The following ULK1 variants were observed in gnomAD, a reference collection of about 807,000 sequenced individuals.
ULK1 encodes serine/threonine-protein kinase ULK1.
ULK1 carries 48 observed loss-of-function variants against 117.5 expected under a neutral mutation model. The ratio of observed to expected loss-of-function variants is 0.41; its 90% CI spans 0.32 to 0.52. The LOEUF is 0.52. ULK1 is among the 20% of genes least tolerant of loss of function. ULK1 has a pLI of 0.29. For missense variants in ULK1, 1,387 were observed against 1,473.4 expected (o/e 0.94, Z 0.96); for synonymous variants, 790 against 637.8 (o/e 1.24, Z -3.60).
chr12:131,906,843 G>A, intron 3 of ULK1, 49 bp from the exon 4 acceptor site: 1 of 1,612,906 alleles, frequency 6.2e-7, no homozygotes, highest in Non-Finnish European at 8.5e-7. Context: ...TCCCTGCAGT[G>A]GGGCCCGGTG....
chr12:131,907,363 C>T, intron 4 of ULK1, 132 bp from the exon 5 acceptor site: 1 of 1,151,996 alleles, frequency 8.7e-7, no homozygotes, highest in South Asian at 1.5e-5. Context: ...GTGGGGACAC[C>T]TGCCCTGGGC....
Position 131,918,650 on chromosome 12 carries a change from C to G in ULK1, c.2480C>G (p.Ala827Gly). Residue 827 changes from alanine (A) to glycine (G), a missense_variant, in exon 23 of 28, where the codon GCC becomes GGC. Physicochemically the swap from Ala to Gly is moderately conservative, Grantham distance 60 (BLOSUM62 0). Coordinates refer to ENST00000321867, the MANE Select transcript of ULK1 (RefSeq NM_003565.4). ...ANLEGAVTFEAPDLPEETLME... is the reference protein window; with the variant it reads ...ANLEGAVTFEGPDLPEETLME... ...CTGGAGGGGGCTGTGACCTTCGAGG[C>G]CCCCGACCTCCCTGAGGAGACCCTC... 3 of 1,603,084 alleles carry G rather than the reference C, an allele frequency of 1.9e-6. No individual in the cohort carries two copies. The highest frequency in any genetic ancestry group is 2.6e-6 in the Non-Finnish European group (3 of 1,174,494).
At chr12:131,917,841 G>A (rs1889932514) in intron 22 of ULK1, among the ~76,000 whole-genome samples, 1 of 152,246 alleles carries the variant, frequency 6.6e-6, no homozygotes, top group South Asian at 2.1e-4. Context: ...GACGGTGTCT[G>A]GATCATGGCC....
At position 131,921,807 on chromosome 12, in the gene ULK1, A is replaced by G. The variant is rs1301944323; in HGVS notation, c.*446A>G. ...GTCTCCAGGAGCCTCTCCCTCCGAG[A>G]TACCCACCCAGCTTTGTCAATCACC... On this transcript the variant is annotated 3_prime_UTR_variant, in exon 28 of 28. Coordinates refer to ENST00000321867, the MANE Select transcript of ULK1 (RefSeq NM_003565.4). 6.1e-6 allele frequency: 3 copies of G among 489,000 alleles called. No individual in the cohort carries two copies. Among genetic ancestry groups the G allele is most frequent in the Non-Finnish European group, 8.0e-6 (2 of 249,058 alleles). 30.3% of individuals were successfully genotyped at this position (489,000 alleles called of 1,614,324 possible). A position where few individuals can be genotyped will look rare whatever the true frequency, so the allele number is the denominator to read the frequency against.
intron 3 of ULK1, chr12:131,897,686 G>T (rs2136376600): frequency 6.6e-6 from 1 of 152,008 alleles, no homozygotes; most frequent in Admixed American, 6.5e-5. Flanking sequence ...AGCACTGTGG[G>T]AGGCCAAGAC....
In ULK1 at chr12:131,916,063, C is replaced by T. The variant is rs201998103; in HGVS notation, c.1782C>T (p.His594=). The T allele has an allele frequency of 7.4e-5, 119 of 1,612,518 alleles. No individual in the cohort carries two copies. Among genetic ancestry groups the T allele is most frequent in the South Asian group, 5.5e-4 (50 of 91,074 alleles). ...PPQASPPQPS[H]GLQSCRNLRG... Reference sequence around the variant, plus strand: ...AGGCCAGCCCTCCCCAGCCGTCCCACGGCCTGCAGTCCTGCCGGAACCTGC... The same window carrying T: ...AGGCCAGCCCTCCCCAGCCGTCCCATGGCCTGCAGTCCTGCCGGAACCTGC... The change falls in exon 19 of 28, where the codon CAC becomes CAT. Residue 594 remains histidine (H), a synonymous_variant. Coordinates refer to ENST00000321867, the MANE Select transcript of ULK1 (RefSeq NM_003565.4).
chr12:131,912,998 C>T (rs939112053), intron 13 of ULK1, among the ~76,000 whole-genome samples, 200 bp from the exon 14 acceptor site: 2 of 152,066 alleles, frequency 1.3e-5, no homozygotes, highest in African/African-American at 2.4e-5. Flanking sequence ...GCTCTGGTCT[C>T]CCGGAGCTGG....
chr12:131,921,522 C>A lies in ULK1; in HGVS notation c.*161C>A. ...AGCCTGCCGGCCTCCCTGCAGCTCA[C>A]GGGGCAGAACCAGCACATCTGGAGC... On this transcript the variant is annotated 3_prime_UTR_variant, in exon 28 of 28. Transcript: ENST00000321867. 9.6e-7 allele frequency: 1 copy of A among 1,040,096 alleles called. No homozygotes were observed. Among genetic ancestry groups the A allele is most frequent in the Non-Finnish European group, 1.4e-6 (1 of 696,836 alleles). The allele number at this position is 1,040,096 out of a possible 1,614,324, so 64.4% of individuals were successfully genotyped here. A position where few individuals can be genotyped will look rare whatever the true frequency, so the allele number is the denominator to read the frequency against.
intron 12 of ULK1, 127 bp from the exon 13 acceptor site, chr12:131,911,815 C>T: frequency 7.5e-7 from 1 of 1,336,866 alleles, no homozygotes; most frequent in Non-Finnish European, 1.0e-6. Context: ...AAAGACGTGC[C>T]CAGCCCTTCT....
In ULK1 at chr12:131,915,210, C is replaced by T. The variant is rs1303230274; in HGVS notation, c.1501C>T (p.Pro501Ser). ...GAAGATGTCTCTGGGTGGAGGCCGG[C>T]CCTACACGCCATCTCCTCAAGGTGC... ...ARKMSLGGGRPYTPSPQVGTI... is the reference protein window; with the variant it reads ...ARKMSLGGGRSYTPSPQVGTI... Residue 501 changes from proline to serine, a missense_variant, in exon 17 of 28, where the codon CCC becomes TCC. Physicochemically the swap from Pro to Ser is moderately conservative, Grantham distance 74. Coordinates refer to ENST00000321867, the MANE Select transcript of ULK1 (RefSeq NM_003565.4). 3 of 1,599,966 alleles carry T rather than the reference C, an allele frequency of 1.9e-6. No homozygotes were observed. The highest frequency in any genetic ancestry group is 2.7e-5 in the African/African-American group (2 of 74,924).
Position 131,921,289 on chromosome 12 carries a change from C to G in ULK1, c.3098-17C>G, listed in dbSNP as rs201078741. 3 of 1,608,138 alleles carry G rather than the reference C, an allele frequency of 1.9e-6. No homozygotes were observed. In the East Asian group the frequency reaches 6.7e-5, roughly 36 times the overall value. ...GGACTCTGGGCGTCTCCCTCACACT[C>G]CCCTCTCCCTCCACAGGCAAGCTGT... On this transcript the variant is annotated splice_polypyrimidine_tract_variant and intron_variant, in intron 27 of 27. Coordinates refer to ENST00000321867, the MANE Select transcript of ULK1 (RefSeq NM_003565.4).
At chr12:131,915,620 G>A (rs1479185191) in intron 18 of ULK1, among the ~76,000 whole-genome samples, 199 bp downstream of exon 18, 1 of 152,202 alleles carries the variant, frequency 6.6e-6, no homozygotes. Context: ...AGTCTTCTGT[G>A]CTGGCTGAGG....
intron 26 of ULK1, chr12:131,920,599 C>T (rs1890110709): frequency 5.0e-6 from 1 of 200,308 alleles, no homozygotes; most frequent in Admixed American, 5.3e-5. Flanking sequence ...AAGAGAGGGT[C>T]TTGCACTGTT....
Position 131,914,507 on chromosome 12 carries a change from G to A in ULK1, c.1373+30G>A, listed in dbSNP as rs370208562. 1.6e-5 allele frequency: 25 copies of A among 1,602,692 alleles called. No homozygotes were observed. The East Asian group carries it at 1.8e-4, about 12-fold the overall frequency. ...GTGTGGAGCCCCCAGGTAGCCAGGC[G>A]TGGCTGGGGCCTTGTGTGGCAGGAG... On this transcript the variant is annotated intron_variant, in intron 16 of 27. Transcript: ENST00000321867.
In ULK1 at chr12:131,913,217, G is replaced by C; in HGVS notation, c.1116G>C (p.Ala372=). ...AQFPGDLVAE[A]PSAKPPPDSL... Reference sequence around the variant, plus strand: ...CTGCAGGTGACCTGGTGGCTGAGGCGCCCAGTGCCAAACCCCCGCCAGACA... The same window carrying C: ...CTGCAGGTGACCTGGTGGCTGAGGCCCCCAGTGCCAAACCCCCGCCAGACA... The change falls in exon 14 of 28, where the codon GCG becomes GCC. Residue 372 remains alanine (A), a synonymous_variant. Transcript: ENST00000321867. The C allele has an allele frequency of 6.3e-7, 1 of 1,588,500 alleles. No homozygotes were observed. Among genetic ancestry groups the C allele is most frequent in the South Asian group, 1.1e-5 (1 of 88,292 alleles).
intron 22 of ULK1, 38 bp from the exon 23 acceptor site, chr12:131,918,459 C>T (rs1279583446): frequency 3.2e-6 from 5 of 1,586,684 alleles, no homozygotes; most frequent in Middle Eastern, 1.7e-4. Flanking sequence ...ACGGTGTCTG[C>T]TGGTCCTGGT....
At position 131,913,796 on chromosome 12, in the gene ULK1, T is replaced by A. The variant is rs768478822; in HGVS notation, c.1207T>A (p.Ser403Thr). 6.3e-7 allele frequency: 1 copy of A among 1,576,466 alleles called. No individual in the cohort carries two copies. The highest frequency in any genetic ancestry group is 8.6e-7 in the Non-Finnish European group (1 of 1,161,078). Reference sequence around the variant, plus strand: ...CTTGGAGAGCCACGGCCGGACCCCATCTCCATCCCCACCCTGCAGCAGCTC... The same window carrying A: ...CTTGGAGAGCCACGGCCGGACCCCAACTCCATCCCCACCCTGCAGCAGCTC... ...AGLESHGRTP[S>T]PSPPCSSSPS... The change falls in exon 15 of 28, where the codon TCT becomes ACT. Residue 403 changes from serine (S) to threonine (T), a missense_variant. Coordinates refer to ENST00000321867, the MANE Select transcript of ULK1 (RefSeq NM_003565.4).
chr12:131,907,455 G>A (rs766288925), intron 4 of ULK1, 40 bp from the exon 5 acceptor site: 10 of 1,608,860 alleles, frequency 6.2e-6, no homozygotes, highest in Non-Finnish European at 8.5e-6. Context: ...GGTGGGCCCT[G>A]GGCCCTGCTG....
rs1029982673 is a variant in ULK1, at chr12:131,916,352, G to A, written c.1879-46G>A. The A allele has an allele frequency of 7.2e-6, 11 of 1,527,924 alleles. No homozygotes were observed. In the African/African-American group the frequency reaches 1.1e-4, roughly 15 times the overall value. 94.6% of individuals were successfully genotyped at this position (1,527,924 alleles called of 1,614,324 possible). On this transcript the variant is annotated intron_variant, in intron 19 of 27. Transcript: ENST00000321867. Reference sequence around the variant, plus strand: ...CCTTCCCCAGGCACCGGGCCCCAGGGCTGCAGACCTGCGGGGCAGTCTTCA... The same window carrying A: ...CCTTCCCCAGGCACCGGGCCCCAGGACTGCAGACCTGCGGGGCAGTCTTCA...
Sources: allele counts gnomAD v4.1 joint callset (sites outside exome capture counted in the v4.1 genomes callset), GRCh38; gene constraint gnomAD v4.1.1; transcripts MANE v1.5; gene names NCBI Gene and HGNC (gene_info 2026-07-23, HGNC 2026-07-21).